Variants in SPAG9 observed in about 807,000 individuals in gnomAD.
SPAG9 encodes C-Jun-amino-terminal kinase-interacting protein 4.
In SPAG9, 35 loss-of-function variants were observed where a neutral mutation model predicts 166.5. The observed-to-expected ratio is 0.21, with a 90% CI of 0.16 to 0.28. SPAG9 has a LOEUF of 0.28. SPAG9 is among the 10% of genes least tolerant of loss of function. SPAG9 has a pLI of 1.00. For synonymous variants in SPAG9, 534 were observed against 565.5 expected (o/e 0.94, Z 0.79); for missense variants, 1,235 against 1,603.3 (o/e 0.77, Z 3.92).
At chr17:51,006,038 C>A in intron 11 of SPAG9, 47 bp downstream of exon 11, 1 of 1,597,660 alleles carries the variant, frequency 6.3e-7, no homozygotes, top group South Asian at 1.1e-5. Flanking sequence ...CCCTTTGTGG[C>A]ATAACTGGCA....
intron 1 of SPAG9, among the ~76,000 whole-genome samples, chr17:51,083,555 A>G (rs1598150370): frequency 1.3e-5 from 2 of 148,348 alleles, no homozygotes; most frequent in South Asian, 4.2e-4. Context: ...TTATTTATTT[A>G]TTTATTTATT....
intron 22 of SPAG9, among the ~76,000 whole-genome samples, chr17:50,986,528 G>A (rs191206044): frequency 6.6e-6 from 1 of 152,080 alleles, no homozygotes; most frequent in African/African-American, 2.4e-5. Context: ...TCATAACAGT[G>A]GTCAAAGAGT....
chr17:51,088,953 C>A (rs948065106), intron 1 of SPAG9, among the ~76,000 whole-genome samples: 1 of 151,282 alleles, frequency 6.6e-6, no homozygotes, highest in East Asian at 2.0e-4. Flanking sequence ...ATTAGCCAGG[C>A]GAGGTGGCAC....
intron 3 of SPAG9, among the ~76,000 whole-genome samples, chr17:51,053,854 A>AAAATAT (rs1491529465): frequency 5.8e-5 from 2 of 34,452 alleles, no homozygotes; most frequent in Non-Finnish European, 4.6e-5. Context: ...AAAAAAAAAA[A>AAAATAT]GTATATATAT....
intron 5 of SPAG9, among the ~76,000 whole-genome samples, chr17:51,036,043 A>G (rs908754700): frequency 1.3e-5 from 2 of 152,140 alleles, no homozygotes; most frequent in African/African-American, 4.8e-5. Flanking sequence ...TGCAGCTGGG[A>G]TATGTGATCC....
chr17:50,998,022 ATT>A (rs563896612), intron 15 of SPAG9, among the ~76,000 whole-genome samples: 95 of 90,800 alleles, frequency 1.0e-3, no homozygotes, highest in African/African-American at 3.6e-3. Context: ...TACAGAAATG[ATT>A]TTTTTTTTTT....
intron 1 of SPAG9, among the ~76,000 whole-genome samples, chr17:51,100,926 A>C (rs142146999): frequency 6.6e-6 from 1 of 152,216 alleles, no homozygotes; most frequent in African/African-American, 2.4e-5. Flanking sequence ...GTCTAAAAAA[A>C]AAAAAGTTAA....
chr17:51,042,848 C>T (rs2144409168), intron 4 of SPAG9, among the ~76,000 whole-genome samples: 1 of 152,246 alleles, frequency 6.6e-6, no homozygotes, highest in East Asian at 1.9e-4. Context: ...AAAAACAGAA[C>T]TTTGATTTAG....
At chr17:51,020,984 T>C (rs947755006) in intron 7 of SPAG9, among the ~76,000 whole-genome samples, 174 bp downstream of exon 7, 1 of 152,184 alleles carries the variant, frequency 6.6e-6, no homozygotes, top group Admixed American at 6.5e-5. Context: ...TATCATTTTT[T>C]TTTCAAATAT....
chr17:51,119,616 C>T (rs1049595219), intron 1 of SPAG9, among the ~76,000 whole-genome samples: 5 of 152,108 alleles, frequency 3.3e-5, no homozygotes, highest in Non-Finnish European at 7.3e-5. Context: ...AAAAGTGTTG[C>T]CAACTGTCAC....
At chr17:51,104,662 G>T (rs545766949) in intron 1 of SPAG9, among the ~76,000 whole-genome samples, 1 of 151,790 alleles carries the variant, frequency 6.6e-6, no homozygotes, top group Non-Finnish European at 1.5e-5. Context: ...GGCCGGGTGC[G>T]GTGGCTCACG....
At position 51,007,345 on chromosome 17, in the gene SPAG9, T is replaced by TA; in HGVS notation, c.1214-20dup. 1 of 1,466,264 alleles carries TA rather than the reference T, an allele frequency of 6.8e-7. No homozygotes were observed. Among genetic ancestry groups the TA allele is most frequent in the Non-Finnish European group, 9.4e-7 (1 of 1,069,094 alleles). 90.8% of individuals were successfully genotyped at this position (1,466,264 alleles called of 1,614,324 possible). On this transcript the variant is annotated intron_variant, in intron 9 of 29. Transcript: ENST00000262013. ...CCCATTCCTATCAAACGAAAAAAGA[T>TA]AAAGACTTTGAAAATAAATGCATCA...
Position 51,089,661 on chromosome 17 carries a change from T to TACACAC in SPAG9, c.304-9958_304-9957insGTGTGT, listed in dbSNP as rs1555658102. 2.0e-3 allele frequency among the ~76,000 whole-genome samples: 195 copies of TACACAC among 97,872 alleles called. 1 individual carries two copies. Among genetic ancestry groups the TACACAC allele is most frequent in the African/African-American group, 7.7e-3 (189 of 24,688 alleles). 64.2% of individuals were successfully genotyped at this position (97,872 alleles called of 152,430 possible). A position where few individuals can be genotyped will look rare whatever the true frequency, so the allele number is the denominator to read the frequency against. On this transcript the variant is annotated intron_variant, in intron 1 of 29. Coordinates refer to ENST00000262013, the MANE Select transcript of SPAG9 (RefSeq NM_001130528.3). ...ATATATATATATATATATATATATA[T>TACACAC]ATACACATACACACACACACTTTCT...
chr17:51,005,385 G>A, intron 11 of SPAG9, 122 bp from the exon 12 acceptor site: 1 of 836,816 alleles, frequency 1.2e-6, no homozygotes, highest in South Asian at 1.6e-5. Context: ...CCCAAACAGG[G>A]TATTTAGCCA....
In SPAG9 at chr17:50,963,269, T is replaced by C. The variant is rs574331314; in HGVS notation, c.*3003A>G. On this transcript the variant is annotated 3_prime_UTR_variant, in exon 30 of 30. Coordinates refer to ENST00000262013, the MANE Select transcript of SPAG9 (RefSeq NM_001130528.3). ...TACGCAAGCCTCTTCTCTCCCTTGA[T>C]GTGGTAGCTACAGGCAGTTACATTC... 1.3e-5 allele frequency: 2 copies of C among 152,372 alleles called. No homozygotes were observed. The highest frequency in any genetic ancestry group is 4.1e-4 in the South Asian group (2 of 4,826). 9.4% of individuals were successfully genotyped at this position (152,372 alleles called of 1,614,324 possible).
chr17:51,015,668 T>A (rs909056653), intron 8 of SPAG9, among the ~76,000 whole-genome samples: 1 of 141,422 alleles, frequency 7.1e-6, no homozygotes, highest in Non-Finnish European at 1.5e-5. Context: ...ATTCGTAAAA[T>A]AGCAAGATGG....
intron 1 of SPAG9, among the ~76,000 whole-genome samples, chr17:51,114,584 C>T (rs1315658764): frequency 2.6e-5 from 4 of 151,980 alleles, no homozygotes; most frequent in Non-Finnish European, 5.9e-5. Flanking sequence ...AAGCCAAGAT[C>T]GTGCCTCTGC....
At chr17:51,053,324 G>A (rs1189787191) in intron 3 of SPAG9, among the ~76,000 whole-genome samples, 1 of 151,646 alleles carries the variant, frequency 6.6e-6, no homozygotes, top group Admixed American at 6.6e-5. Context: ...AGGAGTTCCA[G>A]ACCAGCCTGG....
At chr17:51,005,424 A>G (rs1220140455) in intron 11 of SPAG9, among the ~76,000 whole-genome samples, 161 bp from the exon 12 acceptor site, 1 of 152,252 alleles carries the variant, frequency 6.6e-6, no homozygotes, top group Non-Finnish European at 1.5e-5. Context: ...TCATCATATC[A>G]TAGCATTGTT....
Sources: allele counts gnomAD v4.1 joint callset (sites outside exome capture counted in the v4.1 genomes callset), GRCh38; gene constraint gnomAD v4.1.1; transcripts MANE v1.5; gene names NCBI Gene and HGNC (gene_info 2026-07-23, HGNC 2026-07-21).